The following LUC7L2 variants were observed in gnomAD, a reference collection of about 807,000 sequenced individuals.
LUC7L2 encodes the protein putative RNA-binding protein Luc7-like 2.
In LUC7L2, 25 loss-of-function variants were observed where a neutral mutation model predicts 52.8. The ratio of observed to expected loss-of-function variants is 0.47; its 90% CI spans 0.34 to 0.66. The LOEUF is 0.66. Among genes scored for constraint, LUC7L2 ranks in the 30% least tolerant of loss-of-function variants. The pLI is 0.01. For synonymous variants in LUC7L2, 144 were observed against 160.9 expected (o/e 0.89, Z 0.80); for missense variants, 328 against 497.8 (o/e 0.66, Z 3.25).
At chr7:139,391,711 C>T (rs1794458464) in intron 2 of LUC7L2, among the ~76,000 whole-genome samples, 1 of 152,084 alleles carries the variant, frequency 6.6e-6, no homozygotes, top group Non-Finnish European at 1.5e-5. Context: ...GCCTCAGCCT[C>T]CTGAGTAGTT....
intron 1 of LUC7L2, among the ~76,000 whole-genome samples, chr7:139,361,419 AT>A (rs1799875921): frequency 6.6e-6 from 1 of 152,236 alleles, no homozygotes; most frequent in Non-Finnish European, 1.5e-5. Context: ...TACTCTTTTA[AT>A]TTACATGAGT....
chr7:139,398,876 CTG>C (rs768829153), intron 3 of LUC7L2, among the ~76,000 whole-genome samples, 179 bp downstream of exon 3: 104 of 152,072 alleles, frequency 6.8e-4, no homozygotes, highest in Non-Finnish European at 1.3e-3. Context: ...TGAGGTGAGA[CTG>C]TATTTTAAGA....
chr7:139,354,286 G>A (rs1057008630), intron 1 of LUC7L2, among the ~76,000 whole-genome samples: 3 of 152,188 alleles, frequency 2.0e-5, no homozygotes, highest in African/African-American at 7.2e-5. Flanking sequence ...GTGAAATGCT[G>A]GGTCAGAACA....
chr7:139,397,391 G>A (rs1212020345), intron 2 of LUC7L2, among the ~76,000 whole-genome samples: 2 of 152,162 alleles, frequency 1.3e-5, no homozygotes, highest in Non-Finnish European at 2.9e-5. Context: ...TTTGTTCATA[G>A]ACATGATTCT....
At chr7:139,367,794 G>C (rs2131193902) in intron 1 of LUC7L2, among the ~76,000 whole-genome samples, 1 of 152,296 alleles carries the variant, frequency 6.6e-6, no homozygotes, top group South Asian at 2.1e-4. Context: ...ACCTCATTTA[G>C]CTCAATTTCT....
chr7:139,420,264 C>T (rs913332766), intron 9 of LUC7L2, among the ~76,000 whole-genome samples: 2 of 151,762 alleles, frequency 1.3e-5, no homozygotes, highest in Admixed American at 1.3e-4. Context: ...AGGGCAGTGG[C>T]GCGATCTCGG....
intron 1 of LUC7L2, chr7:139,341,526 C>T (rs781063369): frequency 6.8e-6 from 11 of 1,610,152 alleles, no homozygotes; most frequent in Middle Eastern, 1.6e-4. Context: ...ACATCGGGTA[C>T]GGGAGCCATG....
intron 1 of LUC7L2, among the ~76,000 whole-genome samples, chr7:139,372,967 C>A (rs1800528248): frequency 6.6e-6 from 1 of 151,994 alleles, no homozygotes. Context: ...ACTTTTTCCC[C>A]CATAATAGGT....
chr7:139,379,401 A>T (rs1438707735), intron 2 of LUC7L2, among the ~76,000 whole-genome samples: 1 of 151,312 alleles, frequency 6.6e-6, no homozygotes, highest in Non-Finnish European at 1.5e-5. Context: ...AAGAGGTTGG[A>T]ACTTTATATC....
intron 3 of LUC7L2, among the ~76,000 whole-genome samples, chr7:139,400,382 G>A (rs893423472): frequency 6.6e-6 from 1 of 152,150 alleles, no homozygotes; most frequent in Non-Finnish European, 1.5e-5. Context: ...GGTGGTGGGT[G>A]CCTGTAATCC....
At position 139,376,048 on chromosome 7, in the gene LUC7L2, C is replaced by A. The variant is rs751294437; in HGVS notation, c.62-14C>A. On this transcript the variant is annotated splice_polypyrimidine_tract_variant and intron_variant, in intron 1 of 9. Transcript: ENST00000354926. ...TGTCTAACCTTGAATGTTATTAACT[C>A]TTCTATATTACAGGAGATACAACTC... 2.2e-5 allele frequency: 36 copies of A among 1,612,894 alleles called. No individual in the cohort carries two copies. Among genetic ancestry groups the A allele is most frequent in the East Asian group, 2.2e-5 (1 of 44,808 alleles).
At chr7:139,386,002 A>G (rs1351550191) in intron 2 of LUC7L2, among the ~76,000 whole-genome samples, 2 of 152,160 alleles carry the variant, frequency 1.3e-5, no homozygotes, top group East Asian at 3.8e-4. Flanking sequence ...AAACTTGAAA[A>G]CAATAATTTT....
At chr7:139,410,806 A>G (rs943239788) in intron 7 of LUC7L2, among the ~76,000 whole-genome samples, 3 of 152,204 alleles carry the variant, frequency 2.0e-5, no homozygotes, top group Admixed American at 6.5e-5. Context: ...TATACTCAGT[A>G]TATTTCAAGA....
intron 1 of LUC7L2, chr7:139,341,073 G>T (rs1798926302): frequency 7.6e-6 from 2 of 264,808 alleles, no homozygotes; most frequent in East Asian, 1.5e-4. Flanking sequence ...CTGAGACTCA[G>T]CGGTTGGTCG....
intron 5 of LUC7L2, 152 bp from the exon 6 acceptor site, chr7:139,407,022 T>TTTTTTTG: frequency 6.3e-6 from 2 of 319,780 alleles, no homozygotes; most frequent in African/African-American, 2.3e-5. Flanking sequence ...TTTTTTTTTT[T>TTTTTTTG]GAGCTGGAGT....
intron 1 of LUC7L2, among the ~76,000 whole-genome samples, chr7:139,350,843 A>AT (rs1357457714): frequency 1.3e-5 from 2 of 151,498 alleles, no homozygotes; most frequent in Non-Finnish European, 2.9e-5. Context: ...CGCCTGGCTA[A>AT]TTTTGTATTT....
At chr7:139,408,190 A>G (rs1188109020) in intron 6 of LUC7L2, among the ~76,000 whole-genome samples, 1 of 152,224 alleles carries the variant, frequency 6.6e-6, no homozygotes, top group Non-Finnish European at 1.5e-5. Flanking sequence ...CTCAGGTAAC[A>G]GTGGGCTCTT....
chr7:139,402,114 T>C (rs377577591), intron 3 of LUC7L2, 23 bp from the exon 4 acceptor site: 2 of 1,559,902 alleles, frequency 1.3e-6, no homozygotes, highest in African/African-American at 1.4e-5. Context: ...CTGACAGTAA[T>C]TGTCTTTAAT....
intron 4 of LUC7L2, among the ~76,000 whole-genome samples, chr7:139,405,379 C>A (rs115104325): frequency 2.0e-5 from 3 of 152,094 alleles, no homozygotes; most frequent in African/African-American, 7.2e-5. Flanking sequence ...TGGAAGAAAT[C>A]GTATTTTACA....
Sources: gnomAD v4.1 joint callset for allele counts (sites outside exome capture counted in the v4.1 genomes callset) on GRCh38, gnomAD v4.1.1 for gene constraint, MANE v1.5 for transcripts, NCBI Gene and HGNC (gene_info 2026-07-23, HGNC 2026-07-21) for gene names.